DTD1: variants seen among roughly 807,000 people sequenced by gnomAD.
The protein encoded by DTD1 is D-tyrosyl-tRNA deacylase 1 homolog.
In DTD1, 13 loss-of-function variants were observed where a neutral mutation model predicts 25.6. That is an observed-to-expected ratio of 0.51 (90% CI 0.33 to 0.81). DTD1 has a LOEUF of 0.81. Among genes scored for constraint, DTD1 ranks in the 30% least tolerant of loss-of-function variants. The pLI is 0.02. For synonymous variants in DTD1, 110 were observed against 103.6 expected, an observed-to-expected ratio of 1.06 and a Z score of -0.37; for missense variants, 193 against 266.4, an observed-to-expected ratio of 0.72 and a Z score of 1.92.
intron 4 of DTD1, among the ~76,000 whole-genome samples, chr20:18,686,429 T>G (rs2061016697): frequency 6.6e-6 from 1 of 152,240 alleles, no homozygotes; most frequent in Admixed American, 6.5e-5. Context: ...TTATATTGTT[T>G]TATATATAGT....
intron 4 of DTD1, among the ~76,000 whole-genome samples, chr20:18,666,536 T>C (rs1043573677): frequency 1.3e-5 from 2 of 152,206 alleles, no homozygotes; most frequent in Non-Finnish European, 2.9e-5. Context: ...GTGTGTCCCT[T>C]GCAGTATCTG....
rs190029421 is a variant in DTD1 at position 18,621,989 on chromosome 20, G to A, written c.371-6138G>A. On this transcript the variant is annotated intron_variant, in intron 3 of 5. Coordinates refer to ENST00000377452, the MANE Select transcript of DTD1 (RefSeq NM_080820.6). ...TGAGGCAGGAGAATGGCGTGAACCCGGGAGGCGGAGGTTGCAGTGAGCAGA... is the reference window on the plus strand; with the variant it reads ...TGAGGCAGGAGAATGGCGTGAACCCAGGAGGCGGAGGTTGCAGTGAGCAGA... 2.4e-3 allele frequency among the ~76,000 whole-genome samples: 366 copies of A among 152,200 alleles called. 5 individuals carry two copies. Among genetic ancestry groups the A allele is most frequent in the Non-Finnish European group, 2.4e-3 (160 of 67,998 alleles).
intron 4 of DTD1, among the ~76,000 whole-genome samples, chr20:18,673,906 GT>G (rs11476959): frequency 0.17 from 25,525 of 146,926 alleles, 2,233 homozygotes; most frequent in Admixed American, 0.22. Context: ...CCCTATGTTA[GT>G]TTTTTTTTTT....
chr20:18,727,728 C>T (rs1380039898), intron 4 of DTD1, among the ~76,000 whole-genome samples: 9 of 152,158 alleles, frequency 5.9e-5, no homozygotes, highest in African/African-American at 2.2e-4. Context: ...TTTGGGCATT[C>T]CATGTAAAGG....
chr20:18,725,428 G>C (rs983125381), intron 4 of DTD1, among the ~76,000 whole-genome samples: 2 of 152,140 alleles, frequency 1.3e-5, no homozygotes, highest in Admixed American at 1.3e-4. Flanking sequence ...GGTGATAAAT[G>C]GATTTATATT....
intron 3 of DTD1, among the ~76,000 whole-genome samples, chr20:18,609,184 A>G (rs1358365522): frequency 6.6e-6 from 1 of 151,436 alleles, no homozygotes; most frequent in Non-Finnish European, 1.5e-5. Context: ...TCTGTCACCC[A>G]GGCTGGAGTG....
intron 4 of DTD1, among the ~76,000 whole-genome samples, chr20:18,715,299 C>G (rs903410395): frequency 1.3e-5 from 2 of 152,154 alleles, no homozygotes; most frequent in Non-Finnish European, 2.9e-5. Flanking sequence ...TGACTGGGAC[C>G]CCTGTTGTTG....
chr20:18,595,270 T>TC (rs200132407), intron 2 of DTD1, among the ~76,000 whole-genome samples: 2,554 of 150,322 alleles, frequency 0.017, 41 homozygotes, highest in South Asian at 0.031. Flanking sequence ...TTGTTCTTTC[T>TC]TTTTTTTTTC....
intron 3 of DTD1, among the ~76,000 whole-genome samples, chr20:18,598,862 C>T (rs996953204): frequency 1.3e-5 from 2 of 151,894 alleles, no homozygotes; most frequent in South Asian, 2.1e-4. Flanking sequence ...GCTATTCATC[C>T]GTCTCTCTTC....
Position 18,737,447 on chromosome 20 carries a change from C to T in DTD1, c.478-6653C>T, listed in dbSNP as rs556287000. On this transcript the variant is annotated intron_variant, in intron 4 of 5. Transcript: ENST00000377452. Reference sequence around the variant, plus strand: ...CACCCAGTGGCCCCACTAGGATGTGCGGATGCTAACTGCATTCTTAGGCCA... The same window carrying T: ...CACCCAGTGGCCCCACTAGGATGTGTGGATGCTAACTGCATTCTTAGGCCA... Among the ~76,000 whole-genome samples, 7 of 152,376 alleles carry T rather than the reference C, an allele frequency of 4.6e-5. No homozygotes were observed. The South Asian group carries it at 8.3e-4, about 18-fold the overall frequency.
intron 4 of DTD1, among the ~76,000 whole-genome samples, chr20:18,717,587 T>C (rs1430359407): frequency 6.6e-6 from 1 of 152,222 alleles, no homozygotes; most frequent in Non-Finnish European, 1.5e-5. Context: ...TCAAATTGTC[T>C]CATATCTTCA....
intron 4 of DTD1, among the ~76,000 whole-genome samples, chr20:18,738,450 A>G (rs1165970197): frequency 2.0e-5 from 3 of 152,200 alleles, no homozygotes; most frequent in African/African-American, 7.2e-5. Context: ...CTAAGGGGAA[A>G]GCTGGTTCAG....
intron 4 of DTD1, among the ~76,000 whole-genome samples, chr20:18,704,642 A>G (rs1166672836): frequency 6.6e-6 from 1 of 152,046 alleles, no homozygotes; most frequent in African/African-American, 2.4e-5. Flanking sequence ...AACTCTGGAG[A>G]CATTTTTGGT....
intron 4 of DTD1, among the ~76,000 whole-genome samples, chr20:18,728,444 G>A (rs6081328): frequency 0.33 from 49,568 of 152,038 alleles, 8,468 homozygotes; most frequent in Non-Finnish European, 0.38. Flanking sequence ...CAGGAGTCCC[G>A]TGGGGATCTG....
chr20:18,682,875 AC>A (rs139654382), intron 4 of DTD1, among the ~76,000 whole-genome samples: 1,855 of 152,284 alleles, frequency 0.012, 36 homozygotes, highest in African/African-American at 0.041. Flanking sequence ...ATGTGGGTAT[AC>A]CCTCAATAGC....
Position 18,749,324 on chromosome 20 carries a change from AGCATC to A in DTD1, c.*19+5056_*19+5060del, listed in dbSNP as rs1323635631. ...CTCAGGGCCTGTGAGAGTGCTGCTCAGCATCGCCGTGGGGTGGGGAAGGCTCCAGA... is the reference window on the plus strand; with the variant it reads ...CTCAGGGCCTGTGAGAGTGCTGCTCAGCCGTGGGGTGGGGAAGGCTCCAGA... On this transcript the variant is annotated intron_variant, in intron 5 of 5. Transcript: ENST00000377452. The surrounding 1 kb of genome is among the most constrained non-coding windows in gnomAD (Gnocchi z 4.2). Among the ~76,000 whole-genome samples, 1 of 152,180 alleles carries A rather than the reference AGCATC, an allele frequency of 6.6e-6. No individual in the cohort carries two copies. The highest frequency in any genetic ancestry group is 2.4e-5 in the African/African-American group (1 of 41,448).
At chr20:18,719,092 A>T (rs550481266) in intron 4 of DTD1, among the ~76,000 whole-genome samples, 10 of 152,240 alleles carry the variant, frequency 6.6e-5, no homozygotes, top group South Asian at 6.2e-4. Flanking sequence ...TATGTTTTCA[A>T]CTTACAATGG....
At chr20:18,595,221 T>G (rs1463575143) in intron 2 of DTD1, among the ~76,000 whole-genome samples, 1 of 152,186 alleles carries the variant, frequency 6.6e-6, no homozygotes, top group African/African-American at 2.4e-5. Context: ...TTTGCATATT[T>G]GCAATAACCA....
chr20:18,646,114 C>A (rs1006434242), intron 4 of DTD1, among the ~76,000 whole-genome samples: 3 of 152,216 alleles, frequency 2.0e-5, no homozygotes, highest in African/African-American at 7.2e-5. Context: ...AGAAGCGAGG[C>A]CTCACTGGAC....
Sources: gnomAD v4.1 joint callset for allele counts (sites outside exome capture counted in the v4.1 genomes callset) on GRCh38, gnomAD v4.1.1 for gene constraint, Gnocchi (gnomAD v3.1) non-coding constraint, MANE v1.5 for transcripts, NCBI Gene and HGNC (gene_info 2026-07-23, HGNC 2026-07-21) for gene names.